Variants in SLC16A7 observed in about 807,000 individuals in gnomAD.
SLC16A7 encodes the protein monocarboxylate transporter 2.
SLC16A7 carries 33 observed loss-of-function variants against 34.9 expected under a neutral mutation model. That is an observed-to-expected ratio of 0.94 (90% CI 0.72 to 1.26). SLC16A7 has a LOEUF of 1.26. Among genes scored for constraint, SLC16A7 ranks in the 50% most tolerant of loss-of-function variants. The pLI is 0.00. For synonymous variants in SLC16A7, 201 were observed against 206.6 expected, an observed-to-expected ratio of 0.97 and a Z score of 0.23; for missense variants, 573 against 578.1, an observed-to-expected ratio of 0.99 and a Z score of 0.09.
intron 2 of SLC16A7, among the ~76,000 whole-genome samples, chr12:59,675,682 T>A (rs1268020619): frequency 1.3e-5 from 2 of 152,134 alleles, no homozygotes; most frequent in Non-Finnish European, 2.9e-5. Flanking sequence ...TGTGCCACAG[T>A]CTGAATAAAT....
chr12:59,615,489 G>A (rs760851648), intron 1 of SLC16A7, among the ~76,000 whole-genome samples: 1 of 152,012 alleles, frequency 6.6e-6, no homozygotes, highest in Non-Finnish European at 1.5e-5. Context: ...ACAATCTCTT[G>A]TAAGAGGAAT....
At chr12:59,720,758 C>T (rs1875485090) in intron 3 of SLC16A7, among the ~76,000 whole-genome samples, 1 of 152,080 alleles carries the variant, frequency 6.6e-6, no homozygotes, top group Non-Finnish European at 1.5e-5. Context: ...CATGTCGTAT[C>T]TTCCACCGCA....
intron 3 of SLC16A7, among the ~76,000 whole-genome samples, chr12:59,721,025 A>C (rs1875516090): frequency 6.6e-6 from 1 of 152,082 alleles, no homozygotes; most frequent in Non-Finnish European, 1.5e-5. Context: ...TCCATGGCAG[A>C]ATGTAAACCA....
intron 2 of SLC16A7, among the ~76,000 whole-genome samples, chr12:59,684,607 T>C (rs899091996): frequency 6.6e-6 from 1 of 152,096 alleles, no homozygotes; most frequent in Admixed American, 6.6e-5. Context: ...AACACAGAGC[T>C]ACTTTTCCAC....
intron 3 of SLC16A7, among the ~76,000 whole-genome samples, chr12:59,722,769 A>G (rs1875759596): frequency 6.6e-6 from 1 of 151,796 alleles, no homozygotes; most frequent in Admixed American, 6.6e-5. Flanking sequence ...GGTTCTATCC[A>G]TCTTCATTGG....
chr12:59,681,958 C>A (rs774846259), intron 2 of SLC16A7, among the ~76,000 whole-genome samples: 22 of 151,602 alleles, frequency 1.5e-4, no homozygotes, highest in Non-Finnish European at 3.1e-4. Context: ...TCTCATAACA[C>A]AGCTTCATTC....
At chr12:59,708,442 C>T (rs1459851173) in intron 3 of SLC16A7, among the ~76,000 whole-genome samples, 1 of 152,094 alleles carries the variant, frequency 6.6e-6, no homozygotes, top group Non-Finnish European at 1.5e-5. Flanking sequence ...TTTTAAAATA[C>T]TTAAATTTTC....
At chr12:59,646,431 C>T (rs1045232734) in intron 1 of SLC16A7, among the ~76,000 whole-genome samples, 7 of 152,178 alleles carry the variant, frequency 4.6e-5, no homozygotes, top group Non-Finnish European at 7.3e-5. Context: ...TGGTGTTGGT[C>T]CTGCAGGTGC....
chr12:59,641,207 C>T lies in SLC16A7; in HGVS notation c.-129-13945C>T, dbSNP rs535908683. On this transcript the variant is annotated intron_variant, in intron 1 of 5. Transcript: ENST00000547379. ...TCCATCCCAGAGGCCTCCTTTATCACACAAGCTAAAGAACCAATTTCCACC... is the reference window on the plus strand; with the variant it reads ...TCCATCCCAGAGGCCTCCTTTATCATACAAGCTAAAGAACCAATTTCCACC... Among the ~76,000 whole-genome samples the T allele has an allele frequency of 7.3e-4, 111 of 152,146 alleles. 2 individuals are homozygous for T. Among genetic ancestry groups the T allele is most frequent in the African/African-American group, 2.5e-3 (102 of 41,556 alleles).
chr12:59,669,027 A>G (rs569237577), intron 2 of SLC16A7, among the ~76,000 whole-genome samples: 70 of 152,202 alleles, frequency 4.6e-4, no homozygotes, highest in Admixed American at 1.2e-3. Context: ...ATTCCATTAA[A>G]TCTCTTTCTT....
At chr12:59,732,893 C>G (rs1877122385) in intron 3 of SLC16A7, among the ~76,000 whole-genome samples, 1 of 152,118 alleles carries the variant, frequency 6.6e-6, no homozygotes, top group African/African-American at 2.4e-5. Context: ...CAGACAAGAT[C>G]ACTTTTAAAT....
chr12:59,653,499 G>A (rs772911279), intron 1 of SLC16A7, among the ~76,000 whole-genome samples: 1 of 151,532 alleles, frequency 6.6e-6, no homozygotes, highest in Non-Finnish European at 1.5e-5. Flanking sequence ...GAAAGTTAGA[G>A]TAAGATGTTA....
rs1466126179 is a variant in SLC16A7 at position 59,757,023 on chromosome 12, G to A, written c.218-14196G>A. ...TCTCAAGAACAAAAAACCAAACACCGCATATTCTCACTCATAGGTGGGAAT... is the reference window on the plus strand; with the variant it reads ...TCTCAAGAACAAAAAACCAAACACCACATATTCTCACTCATAGGTGGGAAT... On this transcript the variant is annotated intron_variant, in intron 3 of 5. Coordinates refer to ENST00000547379, the MANE Select transcript of SLC16A7 (RefSeq NM_001270623.2). Among the ~76,000 whole-genome samples, 31 of 140,562 alleles carry A rather than the reference G, an allele frequency of 2.2e-4. No individual in the cohort carries two copies. The East Asian group carries it at 5.9e-3, about 27-fold the overall frequency. The allele number at this position is 140,562 out of a possible 152,430, so 92.2% of individuals were successfully genotyped here.
intron 1 of SLC16A7, among the ~76,000 whole-genome samples, chr12:59,614,267 C>T (rs1413428348): frequency 2.0e-5 from 3 of 152,052 alleles, no homozygotes; most frequent in Non-Finnish European, 4.4e-5. Context: ...TAACTCCTGA[C>T]CTCAGATGAT....
chr12:59,764,604 T>C (rs1881387881), intron 3 of SLC16A7, among the ~76,000 whole-genome samples: 1 of 152,010 alleles, frequency 6.6e-6, no homozygotes, highest in African/African-American at 2.4e-5. Context: ...GTCCTTGCGA[T>C]AGTTTGCTGA....
intron 3 of SLC16A7, among the ~76,000 whole-genome samples, chr12:59,755,915 A>T (rs938393704): frequency 6.6e-6 from 1 of 152,172 alleles, no homozygotes; most frequent in Admixed American, 6.5e-5. Flanking sequence ...AGAGATATAG[A>T]TCAATGGAGC....
At chr12:59,680,048 A>C (rs1319227760) in intron 2 of SLC16A7, among the ~76,000 whole-genome samples, 4 of 152,204 alleles carry the variant, frequency 2.6e-5, no homozygotes, top group Non-Finnish European at 5.9e-5. Context: ...ATTAGTAATA[A>C]CCTGAAAAAT....
At chr12:59,751,954 T>C (rs973599619) in intron 3 of SLC16A7, among the ~76,000 whole-genome samples, 3 of 151,986 alleles carry the variant, frequency 2.0e-5, no homozygotes, top group African/African-American at 7.3e-5. Flanking sequence ...TTCACGAAAA[T>C]CCGCTGATCT....
chr12:59,668,425 C>A (rs1869391473), intron 2 of SLC16A7, among the ~76,000 whole-genome samples: 1 of 152,162 alleles, frequency 6.6e-6, no homozygotes, highest in Non-Finnish European at 1.5e-5. Context: ...CAAAGGAGAT[C>A]ATTTTGGAAC....
Sources: gnomAD v4.1 joint callset for allele counts (sites outside exome capture counted in the v4.1 genomes callset) on GRCh38, gnomAD v4.1.1 for gene constraint, MANE v1.5 for transcripts, NCBI Gene and HGNC (gene_info 2026-07-23, HGNC 2026-07-21) for gene names.